Variants in CNTN5 observed in about 807,000 individuals in gnomAD.
CNTN5 encodes the protein contactin-5.
Under a neutral mutation model 129.1 loss-of-function variants are expected in CNTN5, and 77 were observed. The observed-to-expected ratio is 0.60, with a 90% CI of 0.50 to 0.72. The LOEUF is 0.72. Among genes scored for constraint, CNTN5 ranks in the 30% least tolerant of loss-of-function variants. The pLI is 0.00. For synonymous variants in CNTN5, 509 were observed against 465.6 expected, an observed-to-expected ratio of 1.09 and a Z score of -1.20; for missense variants, 1,478 against 1,328.8, an observed-to-expected ratio of 1.11 and a Z score of -1.75.
intron 15 of CNTN5, among the ~76,000 whole-genome samples, chr11:100,217,530 T>G (rs1219504105): frequency 6.6e-6 from 1 of 152,220 alleles, no homozygotes; most frequent in Admixed American, 6.5e-5. Flanking sequence ...TTACTAGCTA[T>G]TTACAAAGCA....
chr11:100,340,784 T>C, intron 22 of CNTN5, 135 bp downstream of exon 22: 1 of 790,428 alleles, frequency 1.3e-6, no homozygotes, highest in Non-Finnish European at 2.0e-6. Flanking sequence ...AGTGCTTAGA[T>C]CTGAATCCTC....
Position 99,942,397 on chromosome 11 carries a change from G to T in CNTN5, c.674-14409G>T, listed in dbSNP as rs180758843. Among the ~76,000 whole-genome samples the T allele has an allele frequency of 5.3e-3, 808 of 151,728 alleles. 9 individuals are homozygous for T. Among genetic ancestry groups the T allele is most frequent in the African/African-American group, 0.018 (758 of 41,376 alleles). ...GGATCATTTTTGAGAATGAAAAGGGGGAATATTAATATTCTTTCTGGGAAA... is the reference window on the plus strand; with the variant it reads ...GGATCATTTTTGAGAATGAAAAGGGTGAATATTAATATTCTTTCTGGGAAA... On this transcript the variant is annotated intron_variant, in intron 7 of 24. Transcript: ENST00000524871.
chr11:99,697,012 CAT>C (rs546907528), intron 3 of CNTN5, among the ~76,000 whole-genome samples: 6 of 151,948 alleles, frequency 3.9e-5, no homozygotes, highest in East Asian at 1.9e-4. Context: ...AAAAAGGACA[CAT>C]GAGTCAACTG....
At chr11:100,286,938 C>G (rs1210235928) in intron 18 of CNTN5, among the ~76,000 whole-genome samples, 2 of 152,044 alleles carry the variant, frequency 1.3e-5, no homozygotes, top group Non-Finnish European at 2.9e-5. Context: ...AAAACCAAAG[C>G]TCGAGAACTA....
At chr11:99,182,943 T>C (rs1858154126) in intron 1 of CNTN5, among the ~76,000 whole-genome samples, 1 of 148,802 alleles carries the variant, frequency 6.7e-6, no homozygotes, top group African/African-American at 2.4e-5. Flanking sequence ...TAATCATTAA[T>C]AGTTTATTAG....
At chr11:99,655,025 G>A (rs1952299232) in intron 3 of CNTN5, among the ~76,000 whole-genome samples, 1 of 151,822 alleles carries the variant, frequency 6.6e-6, no homozygotes. Flanking sequence ...TCTGATTGGT[G>A]GAAGAGTGCT....
rs1268886661 is a variant in CNTN5, at chr11:99,607,749, C to G, written c.55+51480C>G. On this transcript the variant is annotated intron_variant, in intron 3 of 24. Transcript: ENST00000524871. ...ATTAAGAAAATGTGGCACATATACA[C>G]CATGGAATACTATGCAGCCATAAAA... Among the ~76,000 whole-genome samples, 4 of 124,102 alleles carry G rather than the reference C, an allele frequency of 3.2e-5. 1 individual carries two copies. Among genetic ancestry groups the G allele is most frequent in the African/African-American group, 1.1e-4 (4 of 35,844 alleles). The allele number at this position is 124,102 out of a possible 152,430, so 81.4% of individuals were successfully genotyped here.
At chr11:99,606,943 C>T (rs1950438548) in intron 3 of CNTN5, among the ~76,000 whole-genome samples, 1 of 126,312 alleles carries the variant, frequency 7.9e-6, no homozygotes, top group Non-Finnish European at 1.7e-5. Context: ...ATACAAAAAT[C>T]AATTCAAGAT....
chr11:99,900,522 G>T (rs1487710481), intron 6 of CNTN5, among the ~76,000 whole-genome samples: 1 of 151,410 alleles, frequency 6.6e-6, no homozygotes, highest in African/African-American at 2.4e-5. Flanking sequence ...GTTTTTGTAT[G>T]TTACATTTCT....
At chr11:100,281,752 C>T (rs567671363) in intron 18 of CNTN5, among the ~76,000 whole-genome samples, 2 of 152,100 alleles carry the variant, frequency 1.3e-5, no homozygotes, top group Non-Finnish European at 2.9e-5. Flanking sequence ...TTTTCTAAAT[C>T]TTGTAGGTGT....
chr11:99,629,675 C>G (rs922444202), intron 3 of CNTN5, among the ~76,000 whole-genome samples: 1 of 89,318 alleles, frequency 1.1e-5, no homozygotes, highest in South Asian at 3.2e-4. Context: ...AACCTTAATT[C>G]TTACTACTCG....
chr11:99,895,284 C>G (rs1949176431), intron 6 of CNTN5, among the ~76,000 whole-genome samples: 1 of 152,188 alleles, frequency 6.6e-6, no homozygotes, highest in Non-Finnish European at 1.5e-5. Flanking sequence ...TATTGACATT[C>G]CCTATAGTTA....
At chr11:100,058,532 C>G (rs981180725) in intron 9 of CNTN5, among the ~76,000 whole-genome samples, 1 of 152,040 alleles carries the variant, frequency 6.6e-6, no homozygotes, top group Non-Finnish European at 1.5e-5. Flanking sequence ...AATAATATGT[C>G]AGACTCATAT....
chr11:100,253,321 T>C (rs1354592354), intron 16 of CNTN5, among the ~76,000 whole-genome samples: 2 of 152,110 alleles, frequency 1.3e-5, no homozygotes, highest in Non-Finnish European at 2.9e-5. Context: ...TTTGAGCAAA[T>C]AACTTCTCAT....
chr11:100,002,804 A>G (rs1001970348), intron 9 of CNTN5, among the ~76,000 whole-genome samples: 1 of 151,886 alleles, frequency 6.6e-6, no homozygotes, highest in African/African-American at 2.4e-5. Context: ...TTTTGATTAT[A>G]TTTGATTATT....
chr11:99,879,685 G>T (rs1041830301), intron 6 of CNTN5, among the ~76,000 whole-genome samples: 1 of 152,074 alleles, frequency 6.6e-6, no homozygotes, highest in African/African-American at 2.4e-5. Context: ...TCGTTTATGG[G>T]CAGTCCTATG....
chr11:99,103,342 G>A (rs1383895325), intron 1 of CNTN5, among the ~76,000 whole-genome samples: 1 of 152,154 alleles, frequency 6.6e-6, no homozygotes, highest in African/African-American at 2.4e-5. Flanking sequence ...CACCAAGGTG[G>A]TAGTGGGCAT....
At chr11:99,953,394 G>A (rs1950722116) in intron 7 of CNTN5, among the ~76,000 whole-genome samples, 1 of 152,196 alleles carries the variant, frequency 6.6e-6, no homozygotes. Flanking sequence ...GCAGGAGACA[G>A]CTAACCTGGA....
At chr11:99,814,821 A>G (rs1264380326) in intron 3 of CNTN5, among the ~76,000 whole-genome samples, 1 of 152,136 alleles carries the variant, frequency 6.6e-6, no homozygotes, top group Non-Finnish European at 1.5e-5. Flanking sequence ...AACGTCTCCA[A>G]ACTGAGTGAT....
Sources: allele counts gnomAD v4.1 joint callset (sites outside exome capture counted in the v4.1 genomes callset), GRCh38; gene constraint gnomAD v4.1.1; transcripts MANE v1.5; gene names NCBI Gene and HGNC (gene_info 2026-07-23, HGNC 2026-07-21).